The following PCDHA6 variants were observed in gnomAD, a reference collection of about 807,000 sequenced individuals.
PCDHA6 encodes the protein protocadherin alpha 6, also known as protocadherin alpha-6.
A neutral mutation model predicts 60.3 loss-of-function variants in PCDHA6; 55 were observed. That is an observed-to-expected ratio of 0.91 (90% confidence interval 0.73 to 1.14). The LOEUF (loss-of-function observed/expected upper bound fraction) is 1.14. Among genes scored for constraint, PCDHA6 ranks in the 50% most tolerant of loss-of-function variants. PCDHA6 has a pLI of 0.00. For synonymous variants in PCDHA6, 652 were observed against 557.9 expected (o/e 1.17, Z -2.38); for missense variants, 1,327 against 1,256.5 (o/e 1.06, Z -0.85).
intron 3 of PCDHA6, among the ~76,000 whole-genome samples, chr5:140,994,802 C>T (rs541054161): frequency 7.9e-5 from 12 of 152,066 alleles, no homozygotes; most frequent in Non-Finnish European, 1.6e-4. Flanking sequence ...CATGCAAAAA[C>T]AAAATACAAA....
intron 1 of PCDHA6, among the ~76,000 whole-genome samples, chr5:140,950,807 A>G (rs2094520743): frequency 6.6e-6 from 1 of 152,104 alleles, no homozygotes; most frequent in African/African-American, 2.4e-5. Context: ...TGGTTTTACC[A>G]TAGTAGGGTT....
chr5:140,937,588 G>T (rs1414065719), intron 1 of PCDHA6, among the ~76,000 whole-genome samples: 1 of 151,364 alleles, frequency 6.6e-6, no homozygotes, highest in African/African-American at 2.4e-5. Context: ...CTGCACTCTA[G>T]CCTGGGCAAC....
chr5:140,966,960 T>C, intron 1 of PCDHA6: 1 of 1,603,106 alleles, frequency 6.2e-7, no homozygotes, highest in Non-Finnish European at 8.5e-7. Context: ...GCTCGCGCGC[T>C]GGGGCTTGAG....
chr5:140,845,146 T>C (rs1001510444), intron 1 of PCDHA6, among the ~76,000 whole-genome samples: 2 of 149,652 alleles, frequency 1.3e-5, no homozygotes, highest in African/African-American at 4.9e-5. Context: ...TTTGAACACA[T>C]TGTGTAAAAG....
rs782520846 is a variant in PCDHA6, at chr5:140,842,848, G to T, written c.2394+12363G>T. On this transcript the variant is annotated intron_variant, in intron 1 of 3. Coordinates refer to ENST00000529310, the MANE Select transcript of PCDHA6 (RefSeq NM_018909.4). ...AGCGCTCGCTGTCGAGCTACATTTC[G>T]GTGCACACGGAGAGCGGCAAGGTGT... The T allele has an allele frequency of 1.9e-6, 3 of 1,593,918 alleles. 1 individual carries two copies. Among genetic ancestry groups the T allele is most frequent in the Non-Finnish European group, 2.6e-6 (3 of 1,165,378 alleles).
intron 1 of PCDHA6, chr5:140,882,226 G>A (rs778262653): frequency 1.3e-6 from 2 of 1,564,150 alleles, no homozygotes; most frequent in Non-Finnish European, 1.7e-6. Context: ...GAGGTAAGGC[G>A]TTGTATATAT....
In PCDHA6 at chr5:141,000,611, A is replaced by T. The variant is rs185617081; in HGVS notation, c.2543-9016A>T. Among the ~76,000 whole-genome samples the T allele has an allele frequency of 4.7e-3, 713 of 150,994 alleles. 3 individuals carry two copies. Among genetic ancestry groups the T allele is most frequent in the Non-Finnish European group, 7.5e-3 (505 of 67,758 alleles). ...CCCAGCTAATTTTTGTATTTTTAGT[A>T]GAGACAGGGTTTCACCATGTTGGGC... On this transcript the variant is annotated intron_variant, in intron 3 of 3. Transcript: ENST00000529310.
intron 1 of PCDHA6, chr5:140,881,249 A>G (rs1582554645): frequency 2.3e-6 from 1 of 434,858 alleles, no homozygotes; most frequent in Non-Finnish European, 3.1e-6. Context: ...AATGACGGCA[A>G]GGTTTTACTC....
intron 1 of PCDHA6, among the ~76,000 whole-genome samples, chr5:140,975,632 A>G (rs1554236932): frequency 1.3e-5 from 2 of 152,216 alleles, no homozygotes; most frequent in African/African-American, 4.8e-5. Context: ...CATGGTACGA[A>G]GATAGCATAT....
chr5:140,838,594 A>G (rs1775794332), intron 1 of PCDHA6, among the ~76,000 whole-genome samples: 1 of 152,002 alleles, frequency 6.6e-6, no homozygotes, highest in Non-Finnish European at 1.5e-5. Flanking sequence ...CAATAACCGA[A>G]TTGTCTAGAC....
chr5:141,010,272 T>C lies in PCDHA6; in HGVS notation c.*335T>C. On this transcript the variant is annotated 3_prime_UTR_variant, in exon 4 of 4. Coordinates refer to ENST00000529310, the MANE Select transcript of PCDHA6 (RefSeq NM_018909.4). ...TCTCTGCCCTGTGCTCCGGGGATCC[T>C]GTCTTGATGACACTTGCAGGGCAGG... The C allele has an allele frequency of 6.4e-7, 1 of 1,551,508 alleles. No homozygotes were observed. Among genetic ancestry groups the C allele is most frequent in the Non-Finnish European group, 8.7e-7 (1 of 1,146,940 alleles).
At chr5:140,842,699 T>A in intron 1 of PCDHA6, 3 of 1,595,060 alleles carry the variant, frequency 1.9e-6, no homozygotes, top group Non-Finnish European at 2.6e-6. Context: ...GCAGCCCGAG[T>A]ACACGGTGTT....
chr5:140,830,775 A>T, intron 1 of PCDHA6: 1 of 167,192 alleles, frequency 6.0e-6, no homozygotes. Context: ...TCATAGTAGC[A>T]TTTTTTTCTG....
chr5:140,926,852 T>C, intron 1 of PCDHA6: 2 of 1,517,714 alleles, frequency 1.3e-6, no homozygotes, highest in Non-Finnish European at 1.8e-6. Flanking sequence ...GGGTCACCGT[T>C]GGTGTAGCGT....
chr5:140,928,802 TG>T, intron 1 of PCDHA6: 1 of 1,614,142 alleles, frequency 6.2e-7, no homozygotes, highest in South Asian at 1.1e-5. Context: ...GTGGTGGTAG[TG>T]GTTCGGGACC....
intron 1 of PCDHA6, among the ~76,000 whole-genome samples, chr5:140,874,289 T>G (rs1234939624): frequency 1.3e-5 from 2 of 152,230 alleles, no homozygotes; most frequent in Non-Finnish European, 2.9e-5. Context: ...ACAAAATCTA[T>G]GTGTACTTGT....
At chr5:140,931,189 C>A (rs2087353658) in intron 1 of PCDHA6, among the ~76,000 whole-genome samples, 1 of 152,112 alleles carries the variant, frequency 6.6e-6, no homozygotes, top group Non-Finnish European at 1.5e-5. Flanking sequence ...GAAATTGGTG[C>A]ACTACAATGC....
At chr5:140,877,655 C>T (rs868936879) in intron 1 of PCDHA6, 4 of 1,613,562 alleles carry the variant, frequency 2.5e-6, no homozygotes, top group South Asian at 2.2e-5. Context: ...GCGCCGCCCA[C>T]CGTGAGCCGG....
intron 1 of PCDHA6, chr5:140,875,344 A>G: frequency 1.4e-6 from 2 of 1,442,996 alleles, no homozygotes; most frequent in East Asian, 2.5e-5. Context: ...TCGACTCCAT[A>G]ATGACTGTGA....
Sources: allele counts gnomAD v4.1 joint callset (sites outside exome capture counted in the v4.1 genomes callset), GRCh38; gene constraint gnomAD v4.1.1; transcripts MANE v1.5; gene names NCBI Gene and HGNC (gene_info 2026-07-23, HGNC 2026-07-21).